The following IKZF2 variants were observed in gnomAD, a reference collection of about 807,000 sequenced individuals.
IKZF2 encodes zinc finger protein Helios.
In IKZF2, 15 loss-of-function variants were observed where a neutral mutation model predicts 49.2. The ratio of observed to expected loss-of-function variants is 0.30; its 90% CI spans 0.20 to 0.47. IKZF2 has a LOEUF of 0.47. Among genes scored for constraint, IKZF2 ranks in the 20% least tolerant of loss-of-function variants. The pLI is 1.00. For missense variants in IKZF2, 567 were observed against 664.6 expected (o/e 0.85, Z 1.61); for synonymous variants, 227 against 221.4 (o/e 1.03, Z -0.23).
chr2:213,125,260 A>G (rs2125860101), intron 4 of IKZF2, among the ~76,000 whole-genome samples: 1 of 152,334 alleles, frequency 6.6e-6, no homozygotes, highest in East Asian at 1.9e-4. Flanking sequence ...TATGCCTCAA[A>G]TCATGAATCA....
Position 213,013,922 on chromosome 2 carries a change from TC to T in IKZF2, c.724del (p.Glu242LysfsTer25). On this transcript the variant is annotated frameshift_variant, in exon 8 of 9. Transcript: ENST00000434687. LOFTEE classifies it high-confidence loss of function. ...AATAGGCTCTTGTTCCTTACAATCT[TC>T]CATAGGAGGTACTATACAAAACCAT... ...QVMSHHVPPMEDCKEQEPIMD... is the reference protein window; with the variant it reads ...QVMSHHVPPMXDCKEQEPIMD... 6.2e-7 allele frequency: 1 copy of T among 1,611,352 alleles called. No homozygotes were observed. Among genetic ancestry groups the T allele is most frequent in the Non-Finnish European group, 8.5e-7 (1 of 1,178,002 alleles).
At chr2:213,067,284 G>A (rs1198932861) in intron 4 of IKZF2, among the ~76,000 whole-genome samples, 1 of 152,006 alleles carries the variant, frequency 6.6e-6, no homozygotes, top group Non-Finnish European at 1.5e-5. Context: ...TAAATCTGGG[G>A]TTATGTTTAC....
chr2:213,029,365 G>A (rs929477500), intron 6 of IKZF2, among the ~76,000 whole-genome samples: 10 of 151,980 alleles, frequency 6.6e-5, no homozygotes, highest in African/African-American at 2.4e-4. Context: ...GCTATTCAGA[G>A]TGTATATTTC....
At chr2:213,124,525 G>C (rs575901185) in intron 4 of IKZF2, among the ~76,000 whole-genome samples, 1 of 152,160 alleles carries the variant, frequency 6.6e-6, no homozygotes, top group African/African-American at 2.4e-5. Flanking sequence ...CCCGTTCCCG[G>C]GACAGACCAG....
At chr2:213,137,566 TA>T (rs547332548) in intron 4 of IKZF2, among the ~76,000 whole-genome samples, 584 of 152,162 alleles carry the variant, frequency 3.8e-3, no homozygotes, top group Middle Eastern at 6.8e-3. Flanking sequence ...TCCTCAGCCC[TA>T]AAAACTATAG....
intron 4 of IKZF2, among the ~76,000 whole-genome samples, chr2:213,143,033 G>A (rs1185670780): frequency 6.6e-6 from 1 of 151,648 alleles, no homozygotes; most frequent in Non-Finnish European, 1.5e-5. Context: ...CAGATAAGAA[G>A]GGAAAAAAGT....
intron 4 of IKZF2, among the ~76,000 whole-genome samples, chr2:213,094,203 G>C (rs1392746333): frequency 6.6e-6 from 1 of 152,124 alleles, no homozygotes; most frequent in Admixed American, 6.6e-5. Context: ...TCTCTTAGGG[G>C]AGTGATAAAA....
chr2:213,136,848 G>A (rs757607200), intron 4 of IKZF2, among the ~76,000 whole-genome samples: 2 of 151,956 alleles, frequency 1.3e-5, no homozygotes, highest in Admixed American at 6.6e-5. Flanking sequence ...ACATTCACAC[G>A]CATACACATG....
At chr2:213,089,679 T>C (rs7582752) in intron 4 of IKZF2, among the ~76,000 whole-genome samples, 29,517 of 152,096 alleles carry the variant, frequency 0.19, 3,950 homozygotes, top group Non-Finnish European at 0.29. Context: ...ATCTGGTTTG[T>C]AACCATGTAC....
At chr2:213,028,181 C>T (rs1313566875) in intron 6 of IKZF2, among the ~76,000 whole-genome samples, 1 of 151,900 alleles carries the variant, frequency 6.6e-6, no homozygotes, top group Non-Finnish European at 1.5e-5. Flanking sequence ...TATCTCAGTA[C>T]CTTTGTTGAA....
At chr2:213,039,423 A>T (rs545134346) in intron 6 of IKZF2, among the ~76,000 whole-genome samples, 2 of 152,098 alleles carry the variant, frequency 1.3e-5, no homozygotes, top group African/African-American at 2.4e-5. Flanking sequence ...GGGGATTTAT[A>T]TGGTACATCT....
Position 213,006,422 on chromosome 2 carries a change from T to A in IKZF2, c.*938A>T, listed in dbSNP as rs1273977539. The A allele has an allele frequency of 6.6e-6, 1 of 152,622 alleles. No homozygotes were observed. The highest frequency in any genetic ancestry group is 1.9e-4 in the East Asian group (1 of 5,164). 9.5% of individuals were successfully genotyped at this position (152,622 alleles called of 1,614,324 possible). A position where few individuals can be genotyped will look rare whatever the true frequency, so the allele number is the denominator to read the frequency against. Reference sequence around the variant, plus strand: ...TGATTAAATGCTGATAAAGTGACAATCGTAAGCATACTTTTAGAAACAAAT... The same window carrying A: ...TGATTAAATGCTGATAAAGTGACAAACGTAAGCATACTTTTAGAAACAAAT... On this transcript the variant is annotated 3_prime_UTR_variant, in exon 9 of 9. Transcript: ENST00000434687.
intron 4 of IKZF2, among the ~76,000 whole-genome samples, chr2:213,099,405 A>G (rs1482971707): frequency 6.6e-6 from 1 of 152,170 alleles, no homozygotes; most frequent in East Asian, 1.9e-4. Flanking sequence ...TATAAGCTGT[A>G]TCAAGTGTAA....
At chr2:213,150,281 T>G in intron 1 of IKZF2, 34 bp from the exon 2 acceptor site, 1 of 864,518 alleles carries the variant, frequency 1.2e-6, no homozygotes, top group Non-Finnish European at 1.7e-6. Context: ...GAAAGAAGTT[T>G]TTTGTGTTTC....
chr2:213,026,974 T>TA (rs879752301), intron 6 of IKZF2, among the ~76,000 whole-genome samples: 1 of 151,932 alleles, frequency 6.6e-6, no homozygotes, highest in East Asian at 1.9e-4. Context: ...GATATGCCCA[T>TA]AAAAAAAATC....
At chr2:213,113,383 A>G (rs1454379724) in intron 4 of IKZF2, among the ~76,000 whole-genome samples, 1 of 152,180 alleles carries the variant, frequency 6.6e-6, no homozygotes, top group Non-Finnish European at 1.5e-5. Flanking sequence ...GGAGGAAAGA[A>G]TGATCTTATC....
intron 8 of IKZF2, 27 bp downstream of exon 8, chr2:213,013,764 A>G (rs1696247843): frequency 6.3e-7 from 1 of 1,590,498 alleles, no homozygotes; most frequent in Non-Finnish European, 8.6e-7. Flanking sequence ...CACCTTGCAA[A>G]GAAACAAAAG....
At chr2:213,069,403 T>A (rs1437118494) in intron 4 of IKZF2, among the ~76,000 whole-genome samples, 2 of 152,148 alleles carry the variant, frequency 1.3e-5, no homozygotes, top group Admixed American at 6.6e-5. Flanking sequence ...TTAAAATGAA[T>A]GCAATTATTT....
chr2:213,143,902 G>C (rs560238017), intron 4 of IKZF2, among the ~76,000 whole-genome samples: 2 of 151,870 alleles, frequency 1.3e-5, no homozygotes, highest in Non-Finnish European at 2.9e-5. Flanking sequence ...CCCTGAGAAG[G>C]TGACATTGTA....
Sources: gnomAD v4.1 joint callset for allele counts (sites outside exome capture counted in the v4.1 genomes callset) on GRCh38, gnomAD v4.1.1 for gene constraint, MANE v1.5 for transcripts, NCBI Gene and HGNC (gene_info 2026-07-23, HGNC 2026-07-21) for gene names.